Variants in STIM1 observed in about 807,000 individuals in gnomAD.
STIM1 encodes stromal interaction molecule 1.
In STIM1, 25 loss-of-function variants were observed where a neutral mutation model predicts 74.7. That is an observed-to-expected ratio of 0.33 (90% CI 0.24 to 0.47). STIM1 has a LOEUF of 0.47. STIM1 is among the 20% of genes least tolerant of loss of function. STIM1 has a pLI of 1.00. For synonymous variants in STIM1, 328 were observed against 348.8 expected (o/e 0.94, Z 0.66); for missense variants, 728 against 920.8 (o/e 0.79, Z 2.71).
intron 1 of STIM1, among the ~76,000 whole-genome samples, chr11:3,967,026 A>G (rs999526337): frequency 6.6e-6 from 1 of 152,236 alleles, no homozygotes; most frequent in Non-Finnish European, 1.5e-5. Context: ...TCCCCAGTCA[A>G]TGGCTGACCT....
chr11:3,856,126 G>C lies in STIM1; in HGVS notation c.-145G>C. The C allele has an allele frequency of 9.5e-7, 1 of 1,057,186 alleles. No homozygotes were observed. 65.5% of individuals were successfully genotyped at this position (1,057,186 alleles called of 1,614,324 possible). A position where few individuals can be genotyped will look rare whatever the true frequency, so the allele number is the denominator to read the frequency against. On this transcript the variant is annotated 5_prime_UTR_variant, in exon 1 of 13. Transcript: ENST00000526596. ...GCACTTGACCTTTGGCTGTTGGAGGGGGCAGGCTCGCGGGTGGCTGGACAG... is the reference window on the plus strand; with the variant it reads ...GCACTTGACCTTTGGCTGTTGGAGGCGGCAGGCTCGCGGGTGGCTGGACAG...
intron 5 of STIM1, among the ~76,000 whole-genome samples, chr11:4,062,626 C>G (rs2094338955): frequency 6.6e-6 from 1 of 152,000 alleles, no homozygotes; most frequent in Non-Finnish European, 1.5e-5. Context: ...TCTCTCAAAA[C>G]AAACAAACAA....
chr11:3,951,419 A>C lies in STIM1; in HGVS notation c.140-16133A>C, dbSNP rs2093146751. On this transcript the variant is annotated intron_variant, in intron 1 of 12. Coordinates refer to ENST00000526596, the MANE Select transcript of STIM1 (RefSeq NM_001382567.1). ...GAAAGATAATGAGAAGCTCTCTCTT[A>C]GTTCATGTCTCTTTTGGAGCCCAGG... Among the ~76,000 whole-genome samples the C allele has an allele frequency of 3.9e-5, 6 of 152,308 alleles. No homozygotes were observed. In the South Asian group the frequency reaches 1.2e-3, roughly 32 times the overall value.
intron 1 of STIM1, among the ~76,000 whole-genome samples, chr11:3,893,802 A>G (rs1310047957): frequency 6.6e-6 from 1 of 152,138 alleles, no homozygotes; most frequent in Non-Finnish European, 1.5e-5. Context: ...GATTACAGGC[A>G]TGTGCCACCA....
At chr11:3,910,409 G>A (rs150632002) in intron 1 of STIM1, among the ~76,000 whole-genome samples, 1 of 152,256 alleles carries the variant, frequency 6.6e-6, no homozygotes, top group South Asian at 2.1e-4. Context: ...AGTGAAGTAA[G>A]CAGAGGCTTT....
intron 1 of STIM1, among the ~76,000 whole-genome samples, chr11:3,935,984 T>A (rs1191381360): frequency 6.6e-6 from 1 of 152,212 alleles, no homozygotes; most frequent in Non-Finnish European, 1.5e-5. Flanking sequence ...TTACTATAAT[T>A]CTTTTAACTT....
chr11:4,082,228 C>T lies in STIM1; in HGVS notation c.1014C>T (p.His338=), dbSNP rs2094469001. The T allele has an allele frequency of 6.2e-7, 1 of 1,614,064 alleles. No individual in the cohort carries two copies. The highest frequency in any genetic ancestry group is 8.5e-7 in the Non-Finnish European group (1 of 1,180,030). The change falls in exon 8 of 13, where the codon CAC becomes CAT. Residue 338 remains histidine, a synonymous_variant. Transcript: ENST00000526596. Reference sequence around the variant, plus strand: ...AAGCAGAGAAGGAGCTAGAATCTCACAGCTCATGGTATGCTCCAGAGGCCC... The same window carrying T: ...AAGCAGAGAAGGAGCTAGAATCTCATAGCTCATGGTATGCTCCAGAGGCCC... ...LRKAEKELES[H]SSWYAPEALQ...
chr11:3,856,068 G>A lies in STIM1; in HGVS notation c.-203G>A. Reference sequence around the variant, plus strand: ...CCGGCGGACCCACTGTTGGACCTGAGGAGCCAGCCCTCCTCCCGCACCCAA... The same window carrying A: ...CCGGCGGACCCACTGTTGGACCTGAAGAGCCAGCCCTCCTCCCGCACCCAA... On this transcript the variant is annotated 5_prime_UTR_variant, in exon 1 of 13. Coordinates refer to ENST00000526596, the MANE Select transcript of STIM1 (RefSeq NM_001382567.1). 1.6e-6 allele frequency: 1 copy of A among 628,650 alleles called. No individual in the cohort carries two copies. Among genetic ancestry groups the A allele is most frequent in the African/African-American group, 1.8e-5 (1 of 55,054 alleles). The allele number at this position is 628,650 out of a possible 1,614,324, so 38.9% of individuals were successfully genotyped here.
chr11:4,048,767 T>C lies in STIM1; in HGVS notation c.386-6759T>C, dbSNP rs192480274. Among the ~76,000 whole-genome samples, 22 of 152,188 alleles carry C rather than the reference T, an allele frequency of 1.4e-4. 1 individual carries two copies. In the East Asian group the frequency reaches 4.0e-3, roughly 28 times the overall value. Reference sequence around the variant, plus strand: ...TTTTTTTTTTGAGACAGAGTCTCGCTCTGTCGCCCAGGCTGGAGTGCAGTG... The same window carrying C: ...TTTTTTTTTTGAGACAGAGTCTCGCCCTGTCGCCCAGGCTGGAGTGCAGTG... On this transcript the variant is annotated intron_variant, in intron 3 of 12. Coordinates refer to ENST00000526596, the MANE Select transcript of STIM1 (RefSeq NM_001382567.1).
At chr11:3,927,971 A>G (rs2092808748) in intron 1 of STIM1, among the ~76,000 whole-genome samples, 1 of 152,208 alleles carries the variant, frequency 6.6e-6, no homozygotes, top group African/African-American at 2.4e-5. Flanking sequence ...GGGAAAGCAA[A>G]TGAAGTATTT....
At chr11:3,958,695 C>T (rs527501196) in intron 1 of STIM1, among the ~76,000 whole-genome samples, 5 of 152,054 alleles carry the variant, frequency 3.3e-5, no homozygotes, top group South Asian at 2.1e-4. Flanking sequence ...CATAGTCAGG[C>T]GCAGTGGCTC....
intron 2 of STIM1, among the ~76,000 whole-genome samples, chr11:4,015,852 T>C (rs572707674): frequency 3.8e-4 from 58 of 152,326 alleles, no homozygotes; most frequent in Non-Finnish European, 7.2e-4. Context: ...GAAGCTTGTG[T>C]ATGCTTCATG....
At chr11:4,081,353 G>A (rs2094464574) in intron 7 of STIM1, among the ~76,000 whole-genome samples, 1 of 152,234 alleles carries the variant, frequency 6.6e-6, no homozygotes, top group Non-Finnish European at 1.5e-5. Context: ...CTGCAGAGAA[G>A]TCGGTTATTT....
intron 1 of STIM1, among the ~76,000 whole-genome samples, chr11:3,933,705 G>A (rs1453223103): frequency 1.3e-5 from 2 of 151,938 alleles, no homozygotes; most frequent in African/African-American, 4.8e-5. Flanking sequence ...CCCGCCGCCC[G>A]CCGTCTACAA....
intron 3 of STIM1, among the ~76,000 whole-genome samples, chr11:4,041,755 A>G (rs2094149604): frequency 6.6e-6 from 1 of 151,866 alleles, no homozygotes; most frequent in South Asian, 2.1e-4. Flanking sequence ...ACACACAGCT[A>G]ATTTTATTTT....
chr11:4,014,994 T>C (rs1388297615), intron 2 of STIM1, among the ~76,000 whole-genome samples: 5 of 152,244 alleles, frequency 3.3e-5, no homozygotes, highest in Non-Finnish European at 7.3e-5. Context: ...GGGTCTTGAC[T>C]CTTTATCCAA....
intron 1 of STIM1, among the ~76,000 whole-genome samples, chr11:3,869,570 A>C (rs1227560682): frequency 2.0e-5 from 3 of 152,184 alleles, no homozygotes; most frequent in Non-Finnish European, 4.4e-5. Flanking sequence ...CTGGAGTGGG[A>C]AAAAGTAAAG....
Position 4,000,200 on chromosome 11 carries a change from A to G in STIM1, c.271-23673A>G, listed in dbSNP as rs1409234981. ...GACAGCAGTAACCTCTGCAGACTTA[A>G]ATGTGCCTGTCTGACAGCTTTGAAG... On this transcript the variant is annotated intron_variant, in intron 2 of 12. Transcript: ENST00000526596. Among the ~76,000 whole-genome samples, 7 of 119,946 alleles carry G rather than the reference A, an allele frequency of 5.8e-5. No homozygotes were observed. In the Admixed American group the frequency reaches 6.5e-4, roughly 11 times the overall value. The allele number at this position is 119,946 out of a possible 152,430, so 78.7% of individuals were successfully genotyped here.
At chr11:4,029,599 GAC>G (rs1334949609) in intron 3 of STIM1, among the ~76,000 whole-genome samples, 1 of 150,490 alleles carries the variant, frequency 6.6e-6, no homozygotes, top group Non-Finnish European at 1.5e-5. Context: ...GGGAGAGAGA[GAC>G]AGAGAGAGAC....
Sources: allele counts gnomAD v4.1 joint callset (sites outside exome capture counted in the v4.1 genomes callset), GRCh38; gene constraint gnomAD v4.1.1; transcripts MANE v1.5; gene names NCBI Gene and HGNC (gene_info 2026-07-23, HGNC 2026-07-21).